Variants in USP24 observed in about 807,000 individuals in gnomAD.
The protein encoded by USP24 is ubiquitin carboxyl-terminal hydrolase 24.
In USP24, 97 loss-of-function variants were observed where a neutral mutation model predicts 361.6. The ratio of observed to expected loss-of-function variants is 0.27; its 90% CI spans 0.23 to 0.32. USP24 has a LOEUF of 0.32. Among genes scored for constraint, USP24 ranks in the 10% least tolerant of loss-of-function variants. USP24 has a pLI of 1.00. For synonymous variants in USP24, 1,098 were observed against 1,124.6 expected (o/e 0.98, Z 0.47); for missense variants, 2,353 against 3,165.6 (o/e 0.74, Z 6.16).
At chr1:55,094,659 T>A (rs1285433676) in intron 51 of USP24, among the ~76,000 whole-genome samples, 1 of 150,582 alleles carries the variant, frequency 6.6e-6, no homozygotes, top group Non-Finnish European at 1.5e-5. Flanking sequence ...GCATTATGCT[T>A]TGGACAAAAA....
rs142186949 is a variant in USP24, at chr1:55,120,118, A to T, written c.4508+478T>A. Reference sequence around the variant, plus strand: ...GCATGCAGGCTCACTTGTTGAGGTAAGATGGGGCAGGCAGAATAGTCATCT... The same window carrying T: ...GCATGCAGGCTCACTTGTTGAGGTATGATGGGGCAGGCAGAATAGTCATCT... On this transcript the variant is annotated intron_variant, in intron 38 of 67. Transcript: ENST00000294383. 2.4e-3 allele frequency among the ~76,000 whole-genome samples: 364 copies of T among 152,286 alleles called. 2 individuals carry two copies. The highest frequency in any genetic ancestry group is 8.5e-3 in the African/African-American group (354 of 41,568).
intron 16 of USP24, among the ~76,000 whole-genome samples, chr1:55,151,385 CT>C: frequency 6.6e-6 from 1 of 152,254 alleles, no homozygotes; most frequent in South Asian, 2.1e-4. Context: ...CATCTTGCTA[CT>C]TTTACTTTCT....
intron 43 of USP24, 46 bp from the exon 44 acceptor site, chr1:55,101,010 T>C (rs1174913649): frequency 6.3e-7 from 1 of 1,588,432 alleles, no homozygotes; most frequent in African/African-American, 1.4e-5. Context: ...TTAAAATGCT[T>C]CACAGGAAAC....
chr1:55,151,081 T>C (rs1165227), intron 16 of USP24, among the ~76,000 whole-genome samples: 131,830 of 152,278 alleles, frequency 0.87, 57,154 homozygotes, highest in East Asian at 0.99. Flanking sequence ...ACTGTTCTCA[T>C]ATAAAAGTTC....
At position 55,157,270 on chromosome 1, in the gene USP24, G is replaced by A. The variant is rs1264004939; in HGVS notation, c.1328C>T (p.Ser443Leu). 6.3e-7 allele frequency: 1 copy of A among 1,597,742 alleles called. No individual in the cohort carries two copies. Among genetic ancestry groups the A allele is most frequent in the Non-Finnish European group, 8.5e-7 (1 of 1,175,184 alleles). The change falls in exon 11 of 68, where the codon TCG (serine) becomes TTG (leucine). Residue 443 changes from serine to leucine, a missense_variant. Coordinates refer to ENST00000294383, the MANE Select transcript of USP24 (RefSeq NM_015306.3). ...AAGCAACTTACCTTCCAGTGCAATCGACAGAACTGAGTTTTCAACTAGCCA... is the reference window on the plus strand; with the variant it reads ...AAGCAACTTACCTTCCAGTGCAATCAACAGAACTGAGTTTTCAACTAGCCA... ...LDWLVENSVL[S>L]IALEGNIDQA...
intron 19 of USP24, among the ~76,000 whole-genome samples, chr1:55,146,661 A>G (rs1208755831): frequency 6.6e-6 from 1 of 152,182 alleles, no homozygotes; most frequent in Non-Finnish European, 1.5e-5. Flanking sequence ...GGAAGGGAAA[A>G]AACTTAAATA....
chr1:55,082,418 A>G (rs1193705408), intron 58 of USP24, among the ~76,000 whole-genome samples: 1 of 152,236 alleles, frequency 6.6e-6, no homozygotes, highest in Non-Finnish European at 1.5e-5. Flanking sequence ...GCATGTTAGC[A>G]TTTCATGTAT....
chr1:55,203,065 ATAC>A (rs1202175414), intron 1 of USP24, among the ~76,000 whole-genome samples: 1 of 152,194 alleles, frequency 6.6e-6, no homozygotes, highest in Non-Finnish European at 1.5e-5. Context: ...TGCCCAATTT[ATAC>A]ATTAAACTTT....
In USP24 at chr1:55,153,856, C is replaced by G; in HGVS notation, c.1860+14G>C. On this transcript the variant is annotated intron_variant, in intron 16 of 67. Transcript: ENST00000294383. ...TAGTATACCTTTTAGTTGGTTCCAT[C>G]TGCAAATTCTTACCTTGAATCCATC... 6.5e-7 allele frequency: 1 copy of G among 1,549,834 alleles called. No homozygotes were observed. Among genetic ancestry groups the G allele is most frequent in the Non-Finnish European group, 8.7e-7 (1 of 1,146,234 alleles).
At position 55,095,388 on chromosome 1, in the gene USP24, A is replaced by G; in HGVS notation, c.6070T>C (p.Tyr2024His). The G allele has an allele frequency of 6.2e-7, 1 of 1,610,062 alleles. No homozygotes were observed. The highest frequency in any genetic ancestry group is 8.5e-7 in the Non-Finnish European group (1 of 1,178,294). The change falls in exon 51 of 68, where the codon TAC becomes CAC. Residue 2024 changes from tyrosine (Y) to histidine (H), a missense_variant. Tyr to His is a moderately conservative substitution (Grantham distance 83, BLOSUM62 2). This residue lies in a region of USP24 where 598 missense variants were observed against 761.9 expected (regional missense o/e 0.78). Coordinates refer to ENST00000294383, the MANE Select transcript of USP24 (RefSeq NM_015306.3). ...CAGTATCTTCGGCGCACATCAGTGT[A>G]TGGGTTTGCTTTATAACAAGACATT... The part of the protein sequence containing the change: ...RPKVYDQTNP[Y>H]TDVRRRYWNA...
At chr1:55,186,452 T>C (rs1179683212) in intron 1 of USP24, among the ~76,000 whole-genome samples, 1 of 152,146 alleles carries the variant, frequency 6.6e-6, no homozygotes, top group Admixed American at 6.5e-5. Flanking sequence ...AAGAAGAGGC[T>C]TGAGCAGATA....
At chr1:55,180,432 G>C (rs938494214) in intron 1 of USP24, among the ~76,000 whole-genome samples, 1 of 152,120 alleles carries the variant, frequency 6.6e-6, no homozygotes, top group South Asian at 2.1e-4. Context: ...GGTCTCATTG[G>C]ACAACCAGCC....
At chr1:55,195,378 G>T (rs916125095) in intron 1 of USP24, among the ~76,000 whole-genome samples, 1 of 152,118 alleles carries the variant, frequency 6.6e-6, no homozygotes, top group Admixed American at 6.5e-5. Flanking sequence ...ATTTTCGAGC[G>T]TTGAGATTCC....
chr1:55,189,233 C>T (rs1202787030), intron 1 of USP24, among the ~76,000 whole-genome samples: 1 of 152,088 alleles, frequency 6.6e-6, no homozygotes, highest in African/African-American at 2.4e-5. Flanking sequence ...TTGCTAACAA[C>T]CAAAAGGTTT....
intron 1 of USP24, among the ~76,000 whole-genome samples, chr1:55,207,054 G>A (rs1644725478): frequency 6.6e-6 from 1 of 152,028 alleles, no homozygotes; most frequent in Admixed American, 6.6e-5. Context: ...CTACTTGAGA[G>A]GCTGCGGTGG....
At chr1:55,082,258 T>A (rs944155304) in intron 58 of USP24, among the ~76,000 whole-genome samples, 1 of 152,230 alleles carries the variant, frequency 6.6e-6, no homozygotes, top group Non-Finnish European at 1.5e-5. Context: ...GACAACTTAC[T>A]TAACATCTCT....
At chr1:55,105,421 C>T (rs1645744956) in intron 41 of USP24, among the ~76,000 whole-genome samples, 1 of 152,144 alleles carries the variant, frequency 6.6e-6, no homozygotes, top group Non-Finnish European at 1.5e-5. Context: ...CCACAAAATA[C>T]TGCTTATTAT....
chr1:55,166,731 T>A, intron 5 of USP24, 128 bp from the exon 6 acceptor site: 1 of 936,132 alleles, frequency 1.1e-6, no homozygotes, highest in South Asian at 1.7e-5. Flanking sequence ...TTTTCAAAGT[T>A]TTTTTCCCAA....
chr1:55,109,268 C>A (rs528786497), intron 39 of USP24, among the ~76,000 whole-genome samples: 1 of 152,234 alleles, frequency 6.6e-6, no homozygotes, highest in Non-Finnish European at 1.5e-5. Flanking sequence ...TAAGCCACTG[C>A]GCCTGGCCAC....
Sources: allele counts gnomAD v4.1 joint callset (sites outside exome capture counted in the v4.1 genomes callset), GRCh38; gene constraint gnomAD v4.1.1; regional missense constraint gnomAD v4.1.1; transcripts MANE v1.5; gene names NCBI Gene and HGNC (gene_info 2026-07-23, HGNC 2026-07-21).